The following CDH13 variants were observed in gnomAD, a reference collection of about 807,000 sequenced individuals.
CDH13 encodes the protein cadherin-13.
CDH13 carries 24 observed loss-of-function variants against 63.8 expected under a neutral mutation model. The observed-to-expected ratio is 0.38, with a 90% CI of 0.27 to 0.53. The LOEUF is 0.53. Among genes scored for constraint, CDH13 ranks in the 20% least tolerant of loss-of-function variants. The pLI, the probability that CDH13 is intolerant of heterozygous loss-of-function variation, is 0.85. For missense variants in CDH13, 1,049 were observed against 903.1 expected, an observed-to-expected ratio of 1.16 and a Z score of -2.07; for synonymous variants, 503 against 355.3, an observed-to-expected ratio of 1.42 and a Z score of -4.67.
intron 2 of CDH13, among the ~76,000 whole-genome samples, chr16:83,007,759 G>A (rs1913687854): frequency 6.6e-6 from 1 of 151,608 alleles, no homozygotes; most frequent in Admixed American, 6.6e-5. Context: ...AGGAGGCGGG[G>A]GTGGCAGTGA....
chr16:82,911,865 C>T (rs919081666), intron 2 of CDH13, among the ~76,000 whole-genome samples: 1 of 152,100 alleles, frequency 6.6e-6, no homozygotes, highest in Admixed American at 6.5e-5. Context: ...GCTGAGGGCA[C>T]CTGCTCCTAC....
chr16:83,283,549 C>T (rs766362879), intron 5 of CDH13, among the ~76,000 whole-genome samples: 9 of 152,180 alleles, frequency 5.9e-5, no homozygotes, highest in African/African-American at 2.2e-4. Context: ...CAAGATTGCG[C>T]TACTGCACTC....
rs2033183201 is a variant in CDH13, at chr16:83,080,871, G to GGTTTTTTTTTT, written c.367-44514_367-44513insGTTTTTTTTTT. Among the ~76,000 whole-genome samples, 51 of 46,950 alleles carry GGTTTTTTTTTT rather than the reference G, an allele frequency of 1.1e-3. 1 individual carries two copies. The highest frequency in any genetic ancestry group is 4.3e-3 in the African/African-American group (47 of 10,810). The allele number at this position is 46,950 out of a possible 152,430, so 30.8% of individuals were successfully genotyped here. On this transcript the variant is annotated intron_variant, in intron 3 of 13. Coordinates refer to ENST00000567109, the MANE Select transcript of CDH13 (RefSeq NM_001257.5). ...AGATAGAGTTTTGTTTTGTTTTTGT[G>GGTTTTTTTTTT]TTTTTTTTTTTTTTTTTTTTTTTTT...
chr16:83,189,161 G>A (rs561799919), intron 4 of CDH13, among the ~76,000 whole-genome samples: 6 of 152,180 alleles, frequency 3.9e-5, no homozygotes, highest in South Asian at 4.2e-4. Context: ...CACTTTGTTC[G>A]GTGTGTGCTC....
intron 1 of CDH13, among the ~76,000 whole-genome samples, chr16:82,777,703 C>G (rs1401484176): frequency 6.6e-6 from 1 of 152,152 alleles, no homozygotes; most frequent in Non-Finnish European, 1.5e-5. Context: ...AGGCTAAAAT[C>G]AAGGTGTCAA....
chr16:83,390,437 C>T (rs959235031), intron 6 of CDH13, among the ~76,000 whole-genome samples: 2 of 148,156 alleles, frequency 1.3e-5, no homozygotes, highest in Admixed American at 1.3e-4. Context: ...ACACAGTATC[C>T]CATTTCTATT....
intron 8 of CDH13, among the ~76,000 whole-genome samples, chr16:83,613,995 C>G (rs183740270): frequency 6.6e-6 from 1 of 152,028 alleles, no homozygotes; most frequent in Non-Finnish European, 1.5e-5. Flanking sequence ...CTGCTAACTC[C>G]AGCATCCATT....
At chr16:83,297,816 A>G (rs1265878350) in intron 5 of CDH13, among the ~76,000 whole-genome samples, 1 of 152,180 alleles carries the variant, frequency 6.6e-6, no homozygotes, top group Non-Finnish European at 1.5e-5. Flanking sequence ...AAGGACATTC[A>G]AGATAGACTT....
chr16:83,280,515 G>A (rs1220016284), intron 5 of CDH13, among the ~76,000 whole-genome samples: 2 of 152,190 alleles, frequency 1.3e-5, no homozygotes, highest in African/African-American at 4.8e-5. Flanking sequence ...AGTCATCCAT[G>A]AGGGTTGGAA....
chr16:82,860,155 A>C (rs1030780579), intron 2 of CDH13, among the ~76,000 whole-genome samples: 1 of 152,016 alleles, frequency 6.6e-6, no homozygotes, highest in African/African-American at 2.4e-5. Context: ...GATTATCCCA[A>C]ATGGCATCTA....
chr16:83,403,609 C>T (rs546101102), intron 6 of CDH13, among the ~76,000 whole-genome samples: 4 of 151,932 alleles, frequency 2.6e-5, no homozygotes, highest in African/African-American at 4.8e-5. Flanking sequence ...GGCGACAGAG[C>T]GAGACTCCGT....
chr16:83,736,858 A>G (rs898396429), intron 10 of CDH13, among the ~76,000 whole-genome samples: 3 of 152,220 alleles, frequency 2.0e-5, no homozygotes, highest in Non-Finnish European at 4.4e-5. Context: ...GACGCCCGGT[A>G]TGACCTTTGC....
chr16:83,603,153 G>A (rs1908009291), intron 8 of CDH13, among the ~76,000 whole-genome samples: 1 of 152,290 alleles, frequency 6.6e-6, no homozygotes, highest in South Asian at 2.1e-4. Context: ...GCGATGTTTG[G>A]GGAAGGGCTG....
chr16:82,777,150 G>T (rs1469346979), intron 1 of CDH13, among the ~76,000 whole-genome samples: 2 of 152,122 alleles, frequency 1.3e-5, no homozygotes, highest in Admixed American at 6.6e-5. Context: ...TGTTTATTTT[G>T]TAGCAATAGC....
chr16:83,671,271 GAC>G (rs1450778466), intron 9 of CDH13, among the ~76,000 whole-genome samples: 21 of 152,032 alleles, frequency 1.4e-4, no homozygotes, highest in African/African-American at 5.1e-4. Context: ...TGTTTTTTGA[GAC>G]AGTCTCACTC....
In CDH13 at chr16:83,721,291, G is replaced by A. The variant is rs999271770; in HGVS notation, c.1539-26817G>A. 4 of 152,244 alleles carry A rather than the reference G, an allele frequency of 2.6e-5. No individual in the cohort carries two copies. In the East Asian group the frequency reaches 5.8e-4, roughly 22 times the overall value. 9.4% of individuals were successfully genotyped at this position (152,244 alleles called of 1,614,324 possible). The stretch of plus-strand genomic sequence containing the variant: ...GTGGATTGGAGAATTGAGTCACGAT[G>A]AATCTTGTAACCCATACCCAGAGCC... On this transcript the variant is annotated intron_variant, in intron 10 of 13. Transcript: ENST00000567109.
At chr16:83,478,748 A>G (rs1172851917) in intron 6 of CDH13, among the ~76,000 whole-genome samples, 1 of 151,202 alleles carries the variant, frequency 6.6e-6, no homozygotes, top group Non-Finnish European at 1.5e-5. Context: ...CTCAGAGTAC[A>G]GGGGCAGGGA....
rs139432131 is a variant in CDH13, at chr16:83,137,367, G to A, written c.483+11866G>A. Among the ~76,000 whole-genome samples the A allele has an allele frequency of 9.3e-4, 141 of 152,326 alleles. 2 individuals carry two copies. The East Asian group carries it at 0.022, about 23-fold the overall frequency. On this transcript the variant is annotated intron_variant, in intron 4 of 13. Transcript: ENST00000567109. ...TGTCCCAGTTCTACCTGGAAAATGAGGAAGGGAGTGATAAAATTCTCTGTG... is the reference window on the plus strand; with the variant it reads ...TGTCCCAGTTCTACCTGGAAAATGAAGAAGGGAGTGATAAAATTCTCTGTG...
At chr16:83,459,977 G>A (rs915040264) in intron 6 of CDH13, among the ~76,000 whole-genome samples, 6 of 152,138 alleles carry the variant, frequency 3.9e-5, no homozygotes, top group Non-Finnish European at 7.3e-5. Context: ...GATTGAAGAC[G>A]TTATCTTTTA....
Sources: allele counts gnomAD v4.1 joint callset (sites outside exome capture counted in the v4.1 genomes callset), GRCh38; gene constraint gnomAD v4.1.1; transcripts MANE v1.5; gene names NCBI Gene and HGNC (gene_info 2026-07-23, HGNC 2026-07-21).